Variants in MYH3 observed in about 807,000 individuals in gnomAD.
MYH3 encodes the protein myosin-3.
A neutral mutation model predicts 238.0 loss-of-function variants in MYH3; 130 were observed. The ratio of observed to expected loss-of-function variants is 0.55; its 90% CI spans 0.47 to 0.63. The LOEUF (loss-of-function observed/expected upper bound fraction) is 0.63. MYH3 is among the 30% of genes least tolerant of loss of function. MYH3 has a pLI of 0.00. For missense variants in MYH3, 1,853 were observed against 2,374.9 expected (o/e 0.78, Z 4.57); for synonymous variants, 880 against 924.1 (o/e 0.95, Z 0.86).
At position 10,634,006 on chromosome 17, in the gene MYH3, G is replaced by A. The variant is rs200139568; in HGVS notation, c.4522+11C>T. On this transcript the variant is annotated intron_variant, in intron 32 of 40. Coordinates refer to ENST00000583535, the MANE Select transcript of MYH3 (RefSeq NM_002470.4). ...AAAGGAGGAGGTTTCAGAGGGTTTC[G>A]AATAGCTTACGCTCTAAGTTCTTAT... is the stretch of plus-strand genomic sequence containing the variant. 4.3e-5 allele frequency: 70 copies of A among 1,613,146 alleles called. No individual in the cohort carries two copies. In the African/African-American group the frequency reaches 8.0e-4, roughly 18 times the overall value.
chr17:10,652,131 A>G, intron 4 of MYH3: 1 of 475,780 alleles, frequency 2.1e-6, no homozygotes, highest in African/African-American at 2.0e-5. Flanking sequence ...GAGACTCAAA[A>G]AGGGGAGTGG....
At chr17:10,671,781 GT>G in the MYH3 span, among the ~76,000 whole-genome samples, 1 of 151,744 alleles carries the variant, frequency 6.6e-6, no homozygotes, top group East Asian at 1.9e-4. Flanking sequence ...GGGTTTCACT[GT>G]GTTAGCCAGG....
chr17:10,649,242 C>T (rs529671317), intron 7 of MYH3, among the ~76,000 whole-genome samples: 2 of 152,356 alleles, frequency 1.3e-5, no homozygotes, highest in Admixed American at 6.5e-5. Context: ...TGCTGTAATA[C>T]ATTTGTTTCA....
intron 30 of MYH3, 60 bp downstream of exon 30, chr17:10,635,307 A>G: frequency 6.2e-7 from 1 of 1,612,870 alleles, no homozygotes; most frequent in East Asian, 2.2e-5. Context: ...CTAGTAATAA[A>G]AATAAATTCA....
intron 28 of MYH3, 26 bp from the exon 29 acceptor site, chr17:10,635,879 T>A (rs1692359122): frequency 6.3e-7 from 1 of 1,583,416 alleles, no homozygotes. Flanking sequence ...AATAGTTTCA[T>A]TTCATTTATT....
chr17:10,667,362 CAT>C, the MYH3 span, among the ~76,000 whole-genome samples: 1 of 152,148 alleles, frequency 6.6e-6, no homozygotes, highest in Non-Finnish European at 1.5e-5. Flanking sequence ...GTTATATCCA[CAT>C]GAGACAATGT....
At chr17:10,660,609 G>A (rs578091187), upstream of MYH3, among the ~76,000 whole-genome samples, 653 of 151,710 alleles carry the variant, frequency 4.3e-3, 2 homozygotes, top group Middle Eastern at 0.027. Flanking sequence ...CCTGGGAGGC[G>A]GCGCTTGCAG....
Position 10,631,644 on chromosome 17 carries a change from G to T in MYH3, c.5253C>A (p.Asn1751Lys), listed in dbSNP as rs751137584. The T allele has an allele frequency of 6.2e-7, 1 of 1,614,030 alleles. No homozygotes were observed. Among genetic ancestry groups the T allele is most frequent in the Non-Finnish European group, 8.5e-7 (1 of 1,180,040 alleles). ...EVEDASRDARNAEEKAKKAIT... is the reference protein window; with the variant it reads ...EVEDASRDARKAEEKAKKAIT... Reference sequence around the variant, plus strand: ...TGGCCTTCTTGGCCTTCTCCTCAGCGTTCCTTGCATCCCTGCTGGCATCTT... The same window carrying T: ...TGGCCTTCTTGGCCTTCTCCTCAGCTTTCCTTGCATCCCTGCTGGCATCTT... The change falls in exon 36 of 41, where the codon AAC becomes AAA. Residue 1751 changes from asparagine (N) to lysine (K), a missense_variant. Coordinates refer to ENST00000583535, the MANE Select transcript of MYH3 (RefSeq NM_002470.4).
intron 6 of MYH3, among the ~76,000 whole-genome samples, chr17:10,649,924 C>T (rs548557432): frequency 6.6e-6 from 1 of 152,234 alleles, no homozygotes; most frequent in Non-Finnish European, 1.5e-5. Context: ...AGACCTTCCT[C>T]CCCATCCCCA....
Position 10,647,169 on chromosome 17 carries a change from G to T in MYH3, c.898+13C>A, listed in dbSNP as rs370588825. ...ACTACCTAAAAGACCAGCCCCACTG[G>T]TGACTTCCTCACCTATGAGCTCAGG... On this transcript the variant is annotated intron_variant, in intron 10 of 40. Transcript: ENST00000583535. 3.3e-5 allele frequency: 53 copies of T among 1,604,618 alleles called. No homozygotes were observed. The African/African-American group carries it at 4.8e-4, about 15-fold the overall frequency.
In MYH3 at chr17:10,631,883, T is replaced by G; in HGVS notation, c.5090A>C (p.Glu1697Ala). 1 of 1,614,140 alleles carries G rather than the reference T, an allele frequency of 6.2e-7. No homozygotes were observed. Among genetic ancestry groups the G allele is most frequent in the Non-Finnish European group, 8.5e-7 (1 of 1,180,030 alleles). The stretch of plus-strand genomic sequence containing the variant: ...CTGTTCCGCCAGTTTCCGGGCCCTC[T>G]CCGTCTGCTCCAGAGTAGCCCGCAG... ...EELRATLEQT[E>A]RARKLAEQEL... The change falls in exon 35 of 41, where the codon GAG becomes GCG. Residue 1697 changes from glutamate to alanine, a missense_variant. By Grantham distance (107) the Glu-to-Ala change is moderately radical (BLOSUM62 -1). Transcript: ENST00000583535.
At chr17:10,628,705 T>A in intron 40 of MYH3, 26 bp from the exon 41 acceptor site, 1 of 1,613,974 alleles carries the variant, frequency 6.2e-7, no homozygotes, top group African/African-American at 1.3e-5. Context: ...GCACCTGGAG[T>A]CAAGTCGGGT....
intron 6 of MYH3, 75 bp from the exon 7 acceptor site, chr17:10,649,760 G>GAAA: frequency 8.9e-6 from 12 of 1,344,574 alleles, no homozygotes; most frequent in South Asian, 2.3e-5. Context: ...ATGTCATACT[G>GAAA]AGGCCTGGGC....
chr17:10,654,188 T>C lies in MYH3; in HGVS notation c.204+673A>G, dbSNP rs531622022. Among the ~76,000 whole-genome samples the C allele has an allele frequency of 8.4e-4, 128 of 152,030 alleles. No individual in the cohort carries two copies. Among genetic ancestry groups the C allele is most frequent in the Non-Finnish European group, 1.6e-3 (107 of 67,972 alleles). On this transcript the variant is annotated intron_variant, in intron 3 of 40. Transcript: ENST00000583535. This position sits in a 1 kb window ranked among gnomAD's most constrained non-coding sequence, Gnocchi z 4.5. ...TTCCTTCCTTCCTTGCTTTCTTTCT[T>C]CCTTCTTTCTTTCCTTCCTTCCTTC...
chr17:10,642,421 C>A lies in MYH3; in HGVS notation c.1884G>T (p.Ala628=). 6.2e-7 allele frequency: 1 copy of A among 1,614,120 alleles called. No homozygotes were observed. The highest frequency in any genetic ancestry group is 8.5e-7 in the Non-Finnish European group (1 of 1,180,016). The part of the protein sequence containing the change: ...LAHLYATFAT[A]DADSGKKKVA... ...GACACAAAGCACTCCTCTTACCATCCGCCGTGGCAAACGTGGCATAGAGGT... is the reference window on the plus strand; with the variant it reads ...GACACAAAGCACTCCTCTTACCATCAGCCGTGGCAAACGTGGCATAGAGGT... The change falls in exon 16 of 41, where the codon GCG becomes GCT. Residue 628 remains alanine, a synonymous_variant. Transcript: ENST00000583535. The surrounding 1 kb of genome is among the most constrained non-coding windows in gnomAD (Gnocchi z 5.4).
chr17:10,640,478 G>T lies in MYH3; in HGVS notation c.2290-9C>A. 1 of 1,614,214 alleles carries T rather than the reference G, an allele frequency of 6.2e-7. No homozygotes were observed. Among genetic ancestry groups the T allele is most frequent in the Non-Finnish European group, 8.5e-7 (1 of 1,180,044 alleles). Reference sequence around the variant, plus strand: ...CCAGCCTTGAAGAACACCTTATGGGGCAGAAGGGTGACATGAGTCAGTTTC... The same window carrying T: ...CCAGCCTTGAAGAACACCTTATGGGTCAGAAGGGTGACATGAGTCAGTTTC... On this transcript the variant is annotated splice_polypyrimidine_tract_variant and intron_variant, in intron 20 of 40. Coordinates refer to ENST00000583535, the MANE Select transcript of MYH3 (RefSeq NM_002470.4).
At chr17:10,665,667 G>A in the MYH3 span, among the ~76,000 whole-genome samples, 11 of 152,204 alleles carry the variant, frequency 7.2e-5, 1 homozygote, top group Admixed American at 2.0e-4. Flanking sequence ...CTTTGGATAG[G>A]GTGATTCACC....
the MYH3 span, among the ~76,000 whole-genome samples, chr17:10,671,613 CTT>C: frequency 4.3e-5 from 5 of 115,060 alleles, no homozygotes; most frequent in African/African-American, 1.0e-4. Flanking sequence ...GAGTCTAGCT[CTT>C]GTCGCCCAGG....
rs61735353 is a variant in MYH3, at chr17:10,639,391, C to T, written c.3009G>A (p.Ala1003=). 23,633 of 1,614,082 alleles carry T rather than the reference C, an allele frequency of 0.015. 210 individuals carry two copies. Among genetic ancestry groups the T allele is most frequent in the Non-Finnish European group, 0.016 (19,406 of 1,179,970 alleles). Residue 1003 remains alanine, a synonymous_variant, in exon 24 of 41, where the codon GCG becomes GCA. Coordinates refer to ENST00000583535, the MANE Select transcript of MYH3 (RefSeq NM_002470.4). ...GGAGGTCATCCAAGGCCTGCTGGTGCGCCTCTTGGAGGGCCTTCTTCTCTC... is the reference window on the plus strand; with the variant it reads ...GGAGGTCATCCAAGGCCTGCTGGTGTGCCTCTTGGAGGGCCTTCTTCTCTC... ...LTREKKALQE[A]HQQALDDLQA... is the part of the protein sequence containing the mutation.
Sources: gnomAD v4.1 joint callset for allele counts (sites outside exome capture counted in the v4.1 genomes callset) on GRCh38, gnomAD v4.1.1 for gene constraint, Gnocchi (gnomAD v3.1) non-coding constraint, MANE v1.5 for transcripts, NCBI Gene and HGNC (gene_info 2026-07-23, HGNC 2026-07-21) for gene names.